PEG3: variants seen among roughly 807,000 people sequenced by gnomAD.
The protein encoded by PEG3 is paternally-expressed gene 3 protein.
PEG3 carries 23 observed loss-of-function variants against 35.5 expected under a neutral mutation model. The observed-to-expected ratio is 0.65, with a 90% CI of 0.47 to 0.92. The LOEUF is 0.92. PEG3 is among the 40% of genes least tolerant of loss of function. PEG3 has a pLI of 0.00. For missense variants in PEG3, 1,960 were observed against 1,985.3 expected (o/e 0.99, Z 0.24); for synonymous variants, 707 against 697.0 (o/e 1.01, Z -0.23).
chr19:56,814,608 T>A lies in PEG3; in HGVS notation c.3834A>T (p.Glu1278Asp). The change falls in exon 10 of 10, where the codon GAA becomes GAT. Residue 1278 changes from glutamate to aspartate, a missense_variant. By Grantham distance (45) the Glu-to-Asp change is conservative. Transcript: ENST00000326441. The surrounding 1 kb of genome is among the most constrained non-coding windows in gnomAD (Gnocchi z 5.8). ...ALTEFQRSQT[E>D]ERLFECAVCG... ...AGACTGCACATTCAAAGAGTCTCTC[T>A]TCGGTCTGACTTCTCTGAAACTCAG... The A allele has an allele frequency of 6.2e-7, 1 of 1,614,134 alleles. No homozygotes were observed. The highest frequency in any genetic ancestry group is 8.5e-7 in the Non-Finnish European group (1 of 1,179,998).
Position 56,811,954 on chromosome 19 carries a change from C to G in PEG3, c.*1721G>C. ...CTCACTCATTTCTGCTTCTTGCTCT[C>G]AGCTCTACAATCTTCCTAAACTTTG... On this transcript the variant is annotated 3_prime_UTR_variant, in exon 10 of 10. Transcript: ENST00000326441. 2.0e-6 allele frequency: 2 copies of G among 985,346 alleles called. No individual in the cohort carries two copies. The highest frequency in any genetic ancestry group is 2.4e-6 in the Non-Finnish European group (2 of 829,900). 61.0% of individuals were successfully genotyped at this position (985,346 alleles called of 1,614,324 possible). A position where few individuals can be genotyped will look rare whatever the true frequency, so the allele number is the denominator to read the frequency against.
At chr19:56,840,038 C>T (rs2062808596) in intron 1 of PEG3, among the ~76,000 whole-genome samples, 2 of 152,246 alleles carry the variant, frequency 1.3e-5, no homozygotes, top group East Asian at 1.9e-4. Context: ...GCCCCGCCCC[C>T]AGAGGGTAGC....
In PEG3 at chr19:56,813,478, T is replaced by C. The variant is rs1449643227; in HGVS notation, c.*197A>G. On this transcript the variant is annotated 3_prime_UTR_variant, in exon 10 of 10. Transcript: ENST00000326441. ...GCTTTCCCACATGCAGACACTGACATCTGAAGGGGAAAGCTTAAGACTGTG... is the reference window on the plus strand; with the variant it reads ...GCTTTCCCACATGCAGACACTGACACCTGAAGGGGAAAGCTTAAGACTGTG... 7.1e-7 allele frequency: 1 copy of C among 1,398,974 alleles called. No individual in the cohort carries two copies. Among genetic ancestry groups the C allele is most frequent in the African/African-American group, 1.4e-5 (1 of 69,270 alleles). 86.7% of individuals were successfully genotyped at this position (1,398,974 alleles called of 1,614,324 possible). A position where few individuals can be genotyped will look rare whatever the true frequency, so the allele number is the denominator to read the frequency against.
intron 2 of PEG3, among the ~76,000 whole-genome samples, chr19:56,834,560 C>G (rs1358619385): frequency 6.6e-6 from 1 of 152,186 alleles, no homozygotes; most frequent in African/African-American, 2.4e-5. Context: ...ATTGTGGGAA[C>G]AGGAACATCC....
chr19:56,835,890 T>C (rs1226132804), intron 2 of PEG3, 128 bp downstream of exon 2: 3 of 389,834 alleles, frequency 7.7e-6, no homozygotes, highest in Admixed American at 2.7e-5. Flanking sequence ...CTGGGTGTTC[T>C]CAGAGGGCAC....
At position 56,824,435 on chromosome 19, in the gene PEG3, C is replaced by T; in HGVS notation, c.221G>A (p.Trp74Ter). The T allele has an allele frequency of 6.2e-7, 1 of 1,614,114 alleles. No homozygotes were observed. The highest frequency in any genetic ancestry group is 8.5e-7 in the Non-Finnish European group (1 of 1,180,026). Residue 74 changes from tryptophan to a stop codon, truncating the protein, a stop_gained, in exon 4 of 10, where the codon TGG becomes TAG. Coordinates refer to ENST00000326441, the MANE Select transcript of PEG3 (RefSeq NM_006210.3). LOFTEE classifies it high-confidence loss of function. ...LIKLRNLCLD[W>*]LQPETRTKEE... The stretch of plus-strand genomic sequence containing the variant: ...CTTGGTGCGGGTCTCCGGCTGCAAC[C>T]AATCGAGGCAGAGGTTTCGGAGTTT...
intron 8 of PEG3, among the ~76,000 whole-genome samples, chr19:56,818,291 C>T (rs2060168223): frequency 6.6e-6 from 1 of 152,080 alleles, no homozygotes; most frequent in African/African-American, 2.4e-5. Context: ...ACTCAGGATC[C>T]CATCCTGAAT....
At chr19:56,821,562 G>A (rs1434631578) in intron 7 of PEG3, 89 bp downstream of exon 7, 13 of 1,501,774 alleles carry the variant, frequency 8.7e-6, no homozygotes, top group Non-Finnish European at 1.1e-5. Flanking sequence ...ACTCTAGGGG[G>A]CAGATAAACA....
At position 56,816,705 on chromosome 19, in the gene PEG3, A is replaced by C. The variant is rs773055680; in HGVS notation, c.1737T>G (p.Ile579Met). The C allele has an allele frequency of 6.2e-7, 1 of 1,614,134 alleles. No individual in the cohort carries two copies. Among genetic ancestry groups the C allele is most frequent in the Non-Finnish European group, 8.5e-7 (1 of 1,180,006 alleles). Residue 579 changes from isoleucine (I) to methionine (M), a missense_variant, in exon 10 of 10, where the codon ATT (isoleucine) becomes ATG (methionine). Coordinates refer to ENST00000326441, the MANE Select transcript of PEG3 (RefSeq NM_006210.3). The stretch of plus-strand genomic sequence containing the variant: ...CCCCAAAGTGGATTTTCTGGTGCTC[A>C]ATCAGGGCAGAACTATGAAGGAAGG... Reference protein sequence around the residue: ...KETFLHSSALIEHQKIHFGDD... With the variant: ...KETFLHSSALMEHQKIHFGDD...
At chr19:56,835,116 A>T (rs1377437188) in intron 2 of PEG3, among the ~76,000 whole-genome samples, 2 of 152,038 alleles carry the variant, frequency 1.3e-5, no homozygotes, top group Non-Finnish European at 2.9e-5. Context: ...ATATGACCAC[A>T]AACCAAGCCA....
chr19:56,824,214 G>T (rs529317108), intron 4 of PEG3, 48 bp downstream of exon 4: 5 of 1,585,112 alleles, frequency 3.2e-6, no homozygotes, highest in Admixed American at 1.7e-5. Context: ...AGCCCCAGGG[G>T]ACACCTGAGG....
At chr19:56,833,689 A>C (rs2061798096) in intron 2 of PEG3, 1 of 167,158 alleles carries the variant, frequency 6.0e-6, no homozygotes, top group Admixed American at 5.6e-5. Flanking sequence ...CCCAGGAAAG[A>C]AGCATTCCTA....
chr19:56,825,941 C>T (rs972824028), intron 3 of PEG3, among the ~76,000 whole-genome samples: 2 of 152,166 alleles, frequency 1.3e-5, no homozygotes, highest in African/African-American at 4.8e-5. Flanking sequence ...CAGTGATGGG[C>T]TCCCACTTCC....
At chr19:56,834,433 A>C (rs2061877494) in intron 2 of PEG3, among the ~76,000 whole-genome samples, 2 of 152,178 alleles carry the variant, frequency 1.3e-5, no homozygotes, top group Admixed American at 6.5e-5. Context: ...CAACCTTCTC[A>C]TTATGGTTGT....
intron 6 of PEG3, 56 bp downstream of exon 6, chr19:56,822,697 T>C: frequency 3.1e-6 from 5 of 1,600,166 alleles, no homozygotes. Context: ...CCCTTGAACC[T>C]GTGCACAGCA....
chr19:56,812,290 A>T lies in PEG3; in HGVS notation c.*1385T>A. On this transcript the variant is annotated 3_prime_UTR_variant, in exon 10 of 10. Coordinates refer to ENST00000326441, the MANE Select transcript of PEG3 (RefSeq NM_006210.3). Reference sequence around the variant, plus strand: ...GTCAATTTGTAATTAAAAGAATACTAAGATTAGATGAACACAACACTCAGA... The same window carrying T: ...GTCAATTTGTAATTAAAAGAATACTTAGATTAGATGAACACAACACTCAGA... 2 of 980,684 alleles carry T rather than the reference A, an allele frequency of 2.0e-6. No individual in the cohort carries two copies. The highest frequency in any genetic ancestry group is 2.4e-6 in the Non-Finnish European group (2 of 825,652). The allele number at this position is 980,684 out of a possible 1,614,324, so 60.7% of individuals were successfully genotyped here.
rs570394809 is a variant in PEG3, at chr19:56,829,715, C to T, written c.-162-3252G>A. ...TTGGATTCAACCCGTCCTCTACTTG[C>T]TGCCCAAAGGGCAACTAGCAGTGGG... On this transcript the variant is annotated intron_variant, in intron 2 of 9. Coordinates refer to ENST00000326441, the MANE Select transcript of PEG3 (RefSeq NM_006210.3). Among the ~76,000 whole-genome samples the T allele has an allele frequency of 3.3e-5, 5 of 152,380 alleles. No individual in the cohort carries two copies. In the East Asian group the frequency reaches 7.7e-4, roughly 24 times the overall value.
Position 56,815,971 on chromosome 19 carries a change from G to T in PEG3, c.2471C>A (p.Thr824Asn). Residue 824 changes from threonine (T) to asparagine (N), a missense_variant, in exon 10 of 10, where the codon ACC (threonine) becomes AAC (asparagine). Around this residue, in one of 5 missense-constraint regions of PEG3, gnomAD observed 798 missense variants for 782.4 expected, o/e 1.02. Transcript: ENST00000326441. ...NHQRVRAGGNTSEGREYSRSV... is the reference protein window; with the variant it reads ...NHQRVRAGGNNSEGREYSRSV... ...CCTACTGTATTCCCTTCCTTCAGAG[G>T]TGTTCCCTCCAGCACGAACTCTCTG... 6.3e-7 allele frequency: 1 copy of T among 1,588,168 alleles called. No individual in the cohort carries two copies. Among genetic ancestry groups the T allele is most frequent in the Non-Finnish European group, 8.6e-7 (1 of 1,167,950 alleles).
chr19:56,830,047 G>A (rs1196653018), intron 2 of PEG3, among the ~76,000 whole-genome samples: 3 of 152,142 alleles, frequency 2.0e-5, no homozygotes, highest in African/African-American at 7.2e-5. Flanking sequence ...GCCTAAACGG[G>A]CCATCAATAA....
Sources: allele counts gnomAD v4.1 joint callset (sites outside exome capture counted in the v4.1 genomes callset), GRCh38; gene constraint gnomAD v4.1.1; regional missense constraint gnomAD v4.1.1; non-coding constraint Gnocchi (gnomAD v3.1); transcripts MANE v1.5; gene names NCBI Gene and HGNC (gene_info 2026-07-23, HGNC 2026-07-21).